Variants in KMT5B observed in about 807,000 individuals in gnomAD.
The protein encoded by KMT5B is lysine methyltransferase 5B, also known as histone-lysine N-methyltransferase KMT5B.
A neutral mutation model predicts 83.2 loss-of-function variants in KMT5B; 10 were observed. The observed-to-expected ratio is 0.12, with a 90% confidence interval of 0.07 to 0.20. The LOEUF is 0.20. Ranked by LOEUF, KMT5B falls within the 10% of genes least tolerant of loss-of-function variation. The pLI, the probability that KMT5B is intolerant of heterozygous loss-of-function variation, is 1.00. For missense variants in KMT5B, 753 were observed against 1,067.2 expected, an observed-to-expected ratio of 0.71 and a Z score of 4.10; for synonymous variants, 349 against 388.8, an observed-to-expected ratio of 0.90 and a Z score of 1.20.
chr11:68,207,016 GC>G (rs1394779926), intron 1 of KMT5B, among the ~76,000 whole-genome samples: 4 of 151,972 alleles, frequency 2.6e-5, no homozygotes, highest in African/African-American at 9.7e-5. Context: ...GCTGAGGCGG[GC>G]GGATCACGAG....
chr11:68,175,471 A>C (rs765978975), intron 4 of KMT5B, among the ~76,000 whole-genome samples: 2 of 152,058 alleles, frequency 1.3e-5, no homozygotes, highest in Non-Finnish European at 2.9e-5. Flanking sequence ...AATTATTTTT[A>C]TTTCACTGTT....
intron 1 of KMT5B, among the ~76,000 whole-genome samples, chr11:68,193,565 T>C (rs1046979561): frequency 1.3e-5 from 2 of 152,164 alleles, no homozygotes; most frequent in Admixed American, 1.3e-4. Flanking sequence ...TTTTCTAACA[T>C]GAATTTTTTT....
At chr11:68,204,228 G>A (rs1343235115) in intron 1 of KMT5B, among the ~76,000 whole-genome samples, 1 of 152,204 alleles carries the variant, frequency 6.6e-6, no homozygotes, top group Non-Finnish European at 1.5e-5. Flanking sequence ...AAAGCAGACT[G>A]TAGTATGGTG....
At position 68,157,161 on chromosome 11, in the gene KMT5B, A is replaced by G. The variant is rs1366279905; in HGVS notation, c.*527T>C. The G allele has an allele frequency of 6.4e-4, 98 of 152,226 alleles. 1 individual carries two copies. The highest frequency in any genetic ancestry group is 1.3e-4 in the Non-Finnish European group (9 of 68,016). 9.4% of individuals were successfully genotyped at this position (152,226 alleles called of 1,614,324 possible). A position where few individuals can be genotyped will look rare whatever the true frequency, so the allele number is the denominator to read the frequency against. On this transcript the variant is annotated 3_prime_UTR_variant, in exon 11 of 11. Transcript: ENST00000304363. ...GGTTTGCGATATTAACAAAGGCCAC[A>G]AACAGTACACCTGGGCCAGCAAACA...
At chr11:68,178,763 T>C (rs1856621280) in intron 4 of KMT5B, among the ~76,000 whole-genome samples, 2 of 152,218 alleles carry the variant, frequency 1.3e-5, no homozygotes, top group South Asian at 2.1e-4. Context: ...AAGACTGTTA[T>C]ACCTATTAGG....
chr11:68,213,313 G>C (rs1486946490), upstream of KMT5B: 1 of 147,886 alleles, frequency 6.8e-6, no homozygotes. Flanking sequence ...GCGGGCCGCA[G>C]CACCGCTCGC....
rs887291131 is a variant in KMT5B at position 68,155,929 on chromosome 11, G to A, written c.*1759C>T. 6.6e-6 allele frequency: 1 copy of A among 152,216 alleles called. No homozygotes were observed. Among genetic ancestry groups the A allele is most frequent in the Non-Finnish European group, 1.5e-5 (1 of 68,048 alleles). The allele number at this position is 152,216 out of a possible 1,614,324, so 9.4% of individuals were successfully genotyped here. A position where few individuals can be genotyped will look rare whatever the true frequency, so the allele number is the denominator to read the frequency against. On this transcript the variant is annotated 3_prime_UTR_variant, in exon 11 of 11. Transcript: ENST00000304363. Reference sequence around the variant, plus strand: ...GTAAGACTGCAGAAGTAGTTCCTTAGAGAACCAGGAGAAAACAATCTACTT... The same window carrying A: ...GTAAGACTGCAGAAGTAGTTCCTTAAAGAACCAGGAGAAAACAATCTACTT...
chr11:68,172,657 G>C (rs930060090), intron 6 of KMT5B, among the ~76,000 whole-genome samples: 9 of 152,082 alleles, frequency 5.9e-5, no homozygotes, highest in Admixed American at 6.6e-5. Flanking sequence ...TCTCAATTCA[G>C]ACTAGCTACA....
At chr11:68,208,605 A>G (rs1860475743) in intron 1 of KMT5B, among the ~76,000 whole-genome samples, 1 of 152,208 alleles carries the variant, frequency 6.6e-6, no homozygotes, top group Non-Finnish European at 1.5e-5. Context: ...GCGAGCTGTA[A>G]GAAAAACAAA....
intron 9 of KMT5B, among the ~76,000 whole-genome samples, chr11:68,167,750 G>A (rs1293060530): frequency 6.6e-6 from 1 of 152,132 alleles, no homozygotes; most frequent in Non-Finnish European, 1.5e-5. Flanking sequence ...GAGCCACAAA[G>A]TCCAGCCCTT....
Position 68,163,866 on chromosome 11 carries a change from G to A in KMT5B, c.1174+3116C>T, listed in dbSNP as rs147486503. Among the ~76,000 whole-genome samples the A allele has an allele frequency of 1.9e-3, 282 of 152,284 alleles. 5 individuals carry two copies. The highest frequency in any genetic ancestry group is 3.7e-4 in the Non-Finnish European group (25 of 68,026). On this transcript the variant is annotated intron_variant, in intron 10 of 10. Transcript: ENST00000304363. Reference sequence around the variant, plus strand: ...TGACAGGGCAGGAGTGAGGAGCAGCGCCCCAGCCTCTGCATCTAGGACAGG... The same window carrying A: ...TGACAGGGCAGGAGTGAGGAGCAGCACCCCAGCCTCTGCATCTAGGACAGG...
rs545690383 is a variant in KMT5B, at chr11:68,195,904, C to A, written c.-76-5752G>T. 8.4e-4 allele frequency among the ~76,000 whole-genome samples: 128 copies of A among 152,284 alleles called. 1 individual carries two copies. The highest frequency in any genetic ancestry group is 1.5e-3 in the Non-Finnish European group (101 of 68,018). On this transcript the variant is annotated intron_variant, in intron 1 of 10. Coordinates refer to ENST00000304363, the MANE Select transcript of KMT5B (RefSeq NM_017635.5). ...AGGTGTGGTGGCTCATGCCTGTAATCCCAACACTTTGGGAGGCCCAGGTGG... is the reference window on the plus strand; with the variant it reads ...AGGTGTGGTGGCTCATGCCTGTAATACCAACACTTTGGGAGGCCCAGGTGG...
chr11:68,164,478 G>A (rs1855134643), intron 10 of KMT5B, among the ~76,000 whole-genome samples: 3 of 152,192 alleles, frequency 2.0e-5, no homozygotes, highest in Non-Finnish European at 4.4e-5. Flanking sequence ...GGATGGCTGA[G>A]ACAAACACCA....
chr11:68,192,653 T>C (rs912269795), intron 1 of KMT5B, among the ~76,000 whole-genome samples: 18 of 152,216 alleles, frequency 1.2e-4, no homozygotes, highest in African/African-American at 4.1e-4. Context: ...AAGGCATCTA[T>C]ACTAAGCTTT....
intron 1 of KMT5B, among the ~76,000 whole-genome samples, chr11:68,191,616 G>C (rs1409128389): frequency 6.6e-6 from 1 of 152,178 alleles, no homozygotes; most frequent in Non-Finnish European, 1.5e-5. Context: ...TTATAGGCGT[G>C]AGCCACTGTA....
At chr11:68,160,161 C>T (rs1159593942) in intron 10 of KMT5B, among the ~76,000 whole-genome samples, 2 of 152,150 alleles carry the variant, frequency 1.3e-5, no homozygotes, top group African/African-American at 4.8e-5. Context: ...GCTTACGAGG[C>T]TTGCCTACAA....
intron 2 of KMT5B, 102 bp from the exon 3 acceptor site, chr11:68,186,030 C>G (rs1215051868): frequency 9.5e-7 from 1 of 1,056,864 alleles, no homozygotes; most frequent in Non-Finnish European, 1.4e-6. Flanking sequence ...TAATAAAGAA[C>G]TGAAAAATCA....
chr11:68,179,926 A>G, intron 4 of KMT5B: 1 of 571,668 alleles, frequency 1.7e-6, no homozygotes. Context: ...TTGAAGAATG[A>G]TTTGTTTCTC....
At chr11:68,159,457 TC>T (rs1854667209) in intron 10 of KMT5B, among the ~76,000 whole-genome samples, 1 of 152,236 alleles carries the variant, frequency 6.6e-6, no homozygotes, top group South Asian at 2.1e-4. Flanking sequence ...TCTTAATCTG[TC>T]GTGACACTGG....
Sources: gnomAD v4.1 joint callset for allele counts (sites outside exome capture counted in the v4.1 genomes callset) on GRCh38, gnomAD v4.1.1 for gene constraint, MANE v1.5 for transcripts, NCBI Gene and HGNC (gene_info 2026-07-23, HGNC 2026-07-21) for gene names.